The following STK38L variants were observed in gnomAD, a reference collection of about 807,000 sequenced individuals.
The protein encoded by STK38L is serine/threonine-protein kinase 38-like.
STK38L carries 28 observed loss-of-function variants against 59.7 expected under a neutral mutation model. That is an observed-to-expected ratio of 0.47 (90% CI 0.35 to 0.64). The LOEUF is 0.64. STK38L is among the 30% of genes least tolerant of loss of function. STK38L has a pLI of 0.01. For synonymous variants in STK38L, 162 were observed against 176.8 expected (o/e 0.92, Z 0.66); for missense variants, 314 against 555.8 (o/e 0.56, Z 4.37).
At chr12:27,302,268 TTAAA>T (rs1944194376) in intron 3 of STK38L, 80 bp downstream of exon 3, 2 of 1,069,972 alleles carry the variant, frequency 1.9e-6, no homozygotes, top group Non-Finnish European at 2.7e-6. Flanking sequence ...ATTTTATAAC[TTAAA>T]TAATGTGGAT....
At chr12:27,318,112 T>C in intron 11 of STK38L, 93 bp downstream of exon 11, 1 of 1,453,414 alleles carries the variant, frequency 6.9e-7, no homozygotes, top group South Asian at 1.2e-5. Context: ...GAAGAGGGGA[T>C]ACCACTGATG....
chr12:27,321,553 A>C (rs1011378752), intron 12 of STK38L, among the ~76,000 whole-genome samples: 3 of 152,216 alleles, frequency 2.0e-5, no homozygotes, highest in Non-Finnish European at 4.4e-5. Flanking sequence ...TACTTTATAC[A>C]ATTATACAAT....
intron 1 of STK38L, among the ~76,000 whole-genome samples, chr12:27,273,706 A>G (rs1943472017): frequency 8.3e-6 from 1 of 120,712 alleles, no homozygotes; most frequent in Non-Finnish European, 2.1e-5. Flanking sequence ...CTGCTGAGAA[A>G]ATCTGGGAAG....
At chr12:27,255,802 G>A (rs554356586) in intron 1 of STK38L, among the ~76,000 whole-genome samples, 6 of 152,106 alleles carry the variant, frequency 3.9e-5, no homozygotes, top group East Asian at 1.9e-4. Context: ...CTTCCAAACC[G>A]GTATATCTTG....
At chr12:27,278,213 A>G (rs1244714977) in intron 1 of STK38L, among the ~76,000 whole-genome samples, 2 of 152,218 alleles carry the variant, frequency 1.3e-5, no homozygotes, top group African/African-American at 2.4e-5. Context: ...TTATAAACCA[A>G]CTTGACATAA....
intron 1 of STK38L, among the ~76,000 whole-genome samples, chr12:27,263,711 G>A (rs1183743666): frequency 6.6e-6 from 1 of 152,212 alleles, no homozygotes; most frequent in Non-Finnish European, 1.5e-5. Flanking sequence ...CAAGATTTGA[G>A]TACTTTCTGT....
intron 1 of STK38L, among the ~76,000 whole-genome samples, chr12:27,292,901 T>A (rs11048966): frequency 1.3e-5 from 2 of 152,172 alleles, no homozygotes; most frequent in Non-Finnish European, 2.9e-5. Context: ...TTCATAAATA[T>A]TTATCTAAAA....
Position 27,252,274 on chromosome 12 carries a change from C to T in STK38L, c.-12+7942C>T, listed in dbSNP as rs141986933. Among the ~76,000 whole-genome samples the T allele has an allele frequency of 2.0e-3, 301 of 152,230 alleles. 3 individuals carry two copies. The highest frequency in any genetic ancestry group is 9.7e-3 in the Admixed American group (149 of 15,300). The stretch of plus-strand genomic sequence containing the variant: ...GATTACAGGCATGAGCCACCATGCC[C>T]GGCCTACAAAAGCACTTTTGTAGAA... On this transcript the variant is annotated intron_variant, in intron 1 of 13. Transcript: ENST00000389032.
At chr12:27,280,963 T>C (rs1006952877) in intron 1 of STK38L, among the ~76,000 whole-genome samples, 1 of 151,966 alleles carries the variant, frequency 6.6e-6, no homozygotes, top group Non-Finnish European at 1.5e-5. Flanking sequence ...TATAAAACCA[T>C]TTAAGATTTA....
intron 5 of STK38L, among the ~76,000 whole-genome samples, chr12:27,309,580 G>A (rs947834414): frequency 2.6e-5 from 4 of 152,098 alleles, no homozygotes; most frequent in East Asian, 1.9e-4. Context: ...TGGTGTGTGC[G>A]GGGACACACA....
At chr12:27,322,115 A>T in intron 12 of STK38L, 28 bp from the exon 13 acceptor site, 9 of 1,588,486 alleles carry the variant, frequency 5.7e-6, no homozygotes, top group Non-Finnish European at 7.7e-6. Flanking sequence ...AAGAAAAGTT[A>T]CCATGCATAC....
chr12:27,284,510 C>T (rs1261592731), intron 1 of STK38L, among the ~76,000 whole-genome samples: 2 of 152,148 alleles, frequency 1.3e-5, no homozygotes, highest in Non-Finnish European at 2.9e-5. Context: ...AGCCTTGCCT[C>T]TTGATGAACT....
intron 1 of STK38L, among the ~76,000 whole-genome samples, chr12:27,281,863 CCT>C (rs1455182736): frequency 1.3e-5 from 2 of 151,890 alleles, no homozygotes; most frequent in Admixed American, 1.3e-4. Flanking sequence ...GGTGGAACCC[CCT>C]GTCTACTAAA....
chr12:27,311,198 C>G lies in STK38L; in HGVS notation c.394-1351C>G, dbSNP rs556486640. Reference sequence around the variant, plus strand: ...CACCAAAGTTTAGGGCTTTTCCTTACCACCTTAAATTGCTTCATGAAAGGT... The same window carrying G: ...CACCAAAGTTTAGGGCTTTTCCTTAGCACCTTAAATTGCTTCATGAAAGGT... On this transcript the variant is annotated intron_variant, in intron 5 of 13. Coordinates refer to ENST00000389032, the MANE Select transcript of STK38L (RefSeq NM_015000.4). 5.9e-5 allele frequency among the ~76,000 whole-genome samples: 9 copies of G among 152,306 alleles called. No individual in the cohort carries two copies. The South Asian group carries it at 1.9e-3, about 32-fold the overall frequency.
At chr12:27,283,173 C>T (rs1404380592) in intron 1 of STK38L, among the ~76,000 whole-genome samples, 1 of 152,016 alleles carries the variant, frequency 6.6e-6, no homozygotes, top group Non-Finnish European at 1.5e-5. Context: ...AGACACCTTT[C>T]AAAAAAGCAG....
chr12:27,264,896 G>A (rs530090148), intron 1 of STK38L, among the ~76,000 whole-genome samples: 2 of 152,262 alleles, frequency 1.3e-5, no homozygotes, highest in South Asian at 4.1e-4. Context: ...GACAAGACTG[G>A]CTGTTGGATG....
chr12:27,302,321 G>T (rs970664045), intron 3 of STK38L, 133 bp downstream of exon 3: 18 of 660,014 alleles, frequency 2.7e-5, no homozygotes, highest in Middle Eastern at 2.6e-4. Flanking sequence ...TGCTGTCATG[G>T]ATATCTTTTA....
rs1007212927 is a variant in STK38L, at chr12:27,308,635, G to T, written c.309+174G>T. Among the ~76,000 whole-genome samples the T allele has an allele frequency of 1.3e-5, 2 of 151,902 alleles. No homozygotes were observed. Among genetic ancestry groups the T allele is most frequent in the African/African-American group, 4.8e-5 (2 of 41,384 alleles). ...AGGTCAGGAGTTCGAGACCAGCCTGGCCAGTGAAACCCCGTCTCTATAAAA... is the reference window on the plus strand; with the variant it reads ...AGGTCAGGAGTTCGAGACCAGCCTGTCCAGTGAAACCCCGTCTCTATAAAA... On this transcript the variant is annotated intron_variant, in intron 4 of 13. Transcript: ENST00000389032. The surrounding 1 kb of genome is among the most constrained non-coding windows in gnomAD (Gnocchi z 4.5).
intron 12 of STK38L, 29 bp downstream of exon 12, chr12:27,319,452 G>C (rs752635247): frequency 1.3e-6 from 2 of 1,547,856 alleles, no homozygotes; most frequent in African/African-American, 2.8e-5. Flanking sequence ...AATGGGAAAG[G>C]TCTGAGTAAA....
Sources: gnomAD v4.1 joint callset for allele counts (sites outside exome capture counted in the v4.1 genomes callset) on GRCh38, gnomAD v4.1.1 for gene constraint, Gnocchi (gnomAD v3.1) non-coding constraint, MANE v1.5 for transcripts, NCBI Gene and HGNC (gene_info 2026-07-23, HGNC 2026-07-21) for gene names.